The following PSPC1 variants were observed in gnomAD, a reference collection of about 807,000 sequenced individuals.
PSPC1 encodes the protein paraspeckle component 1, also known as paraspeckle protein 1.
Under a neutral mutation model 51.6 loss-of-function variants are expected in PSPC1, and 14 were observed. The observed-to-expected ratio is 0.27, with a 90% confidence interval of 0.18 to 0.42. The LOEUF is 0.42. PSPC1 is among the 10% of genes least tolerant of loss of function. PSPC1 has a pLI of 1.00. For synonymous variants in PSPC1, 193 were observed against 231.9 expected (o/e 0.83, Z 1.53); for missense variants, 406 against 701.1 (o/e 0.58, Z 4.75).
chr13:19,758,958 A>T (rs1416008429), intron 3 of PSPC1, among the ~76,000 whole-genome samples: 1 of 151,876 alleles, frequency 6.6e-6, no homozygotes, highest in Non-Finnish European at 1.5e-5. Context: ...AGACATTTCT[A>T]AAAAAAATTA....
intron 4 of PSPC1, among the ~76,000 whole-genome samples, chr13:19,750,086 C>T (rs1350058408): frequency 1.3e-5 from 2 of 152,026 alleles, no homozygotes; most frequent in Non-Finnish European, 2.9e-5. Flanking sequence ...TGAGAATTTA[C>T]CCAAAAGGAT....
chr13:19,672,077 A>C (rs146846590), downstream of PSPC1: 1 of 574,760 alleles, frequency 1.7e-6, no homozygotes, highest in Non-Finnish European at 3.1e-6. Context: ...CAGTGTCCAG[A>C]CTGCGTATTT....
chr13:19,694,627 G>A (rs1453325087), intron 6 of PSPC1, among the ~76,000 whole-genome samples: 2 of 152,136 alleles, frequency 1.3e-5, no homozygotes, highest in African/African-American at 4.8e-5. Context: ...ATATAATCAA[G>A]TCGTTCCAAG....
In PSPC1 at chr13:19,730,946, G is replaced by GAAAAAAAAAAAAAAAAAAAAA. The variant is rs1168386647; in HGVS notation, c.1053-603_1053-602insTTTTTTTTTTTTTTTTTTTTT. ...TGGGCAACAGTGAGACCCTGTCTCA[G>GAAAAAAAAAAAAAAAAAAAAA]AAAAAAAAAACAAAAAAACAAAAAA... On this transcript the variant is annotated intron_variant, in intron 5 of 8. Coordinates refer to ENST00000338910, the MANE Select transcript of PSPC1 (RefSeq NM_001354909.2). 3.6e-4 allele frequency among the ~76,000 whole-genome samples: 9 copies of GAAAAAAAAAAAAAAAAAAAAA among 25,244 alleles called. 1 individual carries two copies. The highest frequency in any genetic ancestry group is 7.2e-4 in the Non-Finnish European group (7 of 9,742). The allele number at this position is 25,244 out of a possible 152,430, so 16.6% of individuals were successfully genotyped here.
intron 4 of PSPC1, among the ~76,000 whole-genome samples, chr13:19,746,477 C>T (rs778243390): frequency 6.6e-6 from 1 of 151,922 alleles, no homozygotes; most frequent in South Asian, 2.1e-4. Flanking sequence ...GTAATCCTGA[C>T]ACTTTGGGAG....
Position 19,751,422 on chromosome 13 carries a change from T to C in PSPC1, c.816A>G (p.Glu272=). The change falls in exon 4 of 9, where the codon GAA becomes GAG. Residue 272 remains glutamate (E), a synonymous_variant. Transcript: ENST00000338910. ...CCTTCCATCGAGATGCATACTCAAA[T>C]TCAAATGTCCCAGGTTGAGCAAAAC... ...PPRFAQPGTF[E]FEYASRWKAL... 4 of 1,582,438 alleles carry C rather than the reference T, an allele frequency of 2.5e-6. No individual in the cohort carries two copies. Among genetic ancestry groups the C allele is most frequent in the Non-Finnish European group, 3.4e-6 (4 of 1,169,060 alleles).
chr13:19,692,961 A>T (rs560249896), intron 6 of PSPC1, among the ~76,000 whole-genome samples: 1 of 152,284 alleles, frequency 6.6e-6, no homozygotes, highest in East Asian at 1.9e-4. Context: ...TCTTACATTT[A>T]ACATAATTAT....
intron 6 of PSPC1, among the ~76,000 whole-genome samples, chr13:19,714,643 T>C (rs1881872310): frequency 6.6e-6 from 1 of 151,918 alleles, no homozygotes. Context: ...TATAGGCAGA[T>C]ACCATCACGC....
intron 2 of PSPC1, among the ~76,000 whole-genome samples, chr13:19,763,416 T>C (rs544069448): frequency 6.6e-5 from 10 of 152,292 alleles, no homozygotes; most frequent in African/African-American, 2.2e-4. Context: ...AAATCTGAAG[T>C]TACTGCTTGG....
intron 5 of PSPC1, 34 bp from the exon 6 acceptor site, chr13:19,730,378 T>C: frequency 1.3e-6 from 2 of 1,574,484 alleles, no homozygotes; most frequent in Non-Finnish European, 1.7e-6. Context: ...TTCAGCATCA[T>C]AACATGTGGG....
At chr13:19,743,208 T>C in intron 4 of PSPC1, among the ~76,000 whole-genome samples, 1 of 152,220 alleles carries the variant, frequency 6.6e-6, no homozygotes. Context: ...TAATAAAATG[T>C]TAAAATACTC....
At chr13:19,760,494 C>T (rs999492359) in intron 2 of PSPC1, among the ~76,000 whole-genome samples, 3 of 150,932 alleles carry the variant, frequency 2.0e-5, no homozygotes, top group Admixed American at 6.6e-5. Context: ...CACCACTGTA[C>T]TCCAGCCTGG....
intron 6 of PSPC1, chr13:19,677,951 G>A (rs1876854005): frequency 2.6e-5 from 10 of 383,530 alleles, no homozygotes; most frequent in South Asian, 1.9e-4. Context: ...ATGTAGTGCT[G>A]CGTGCTGATT....
At chr13:19,730,393 C>T (rs1883905034) in intron 5 of PSPC1, 49 bp from the exon 6 acceptor site, 5 of 1,500,236 alleles carry the variant, frequency 3.3e-6, no homozygotes, top group Admixed American at 1.7e-5. Flanking sequence ...TGTGGGCTGC[C>T]ATTGGACATT....
At chr13:19,775,182 CA>C (rs936194359) in intron 1 of PSPC1, among the ~76,000 whole-genome samples, 5 of 149,210 alleles carry the variant, frequency 3.4e-5, no homozygotes, top group Non-Finnish European at 7.4e-5. Context: ...ACTAAAAATA[CA>C]AAAAAAAACA....
In PSPC1 at chr13:19,773,249, A is replaced by AT. The variant is rs572248368; in HGVS notation, c.373-707dup. Among the ~76,000 whole-genome samples the AT allele has an allele frequency of 3.3e-3, 446 of 133,936 alleles. 5 individuals carry two copies. Among genetic ancestry groups the AT allele is most frequent in the Middle Eastern group, 7.9e-3 (2 of 252 alleles). The allele number at this position is 133,936 out of a possible 152,430, so 87.9% of individuals were successfully genotyped here. ...TCCATACCCTTTATGTTTTTATCTC[A>AT]TTTTTTTTTTTTTTTTTTGAGACAG... On this transcript the variant is annotated intron_variant, in intron 1 of 8. Coordinates refer to ENST00000338910, the MANE Select transcript of PSPC1 (RefSeq NM_001354909.2).
At position 19,731,588 on chromosome 13, in the gene PSPC1, T is replaced by C. The variant is rs568425132; in HGVS notation, c.1053-1244A>G. Among the ~76,000 whole-genome samples, 94 of 152,270 alleles carry C rather than the reference T, an allele frequency of 6.2e-4. No homozygotes were observed. In the South Asian group the frequency reaches 9.5e-3, roughly 15 times the overall value. On this transcript the variant is annotated intron_variant, in intron 5 of 8. Transcript: ENST00000338910. ...GCCACTATGTCCAGATAATGTTTTGTACTTTTGTAGAGACAGGGTCTTGCC... is the reference window on the plus strand; with the variant it reads ...GCCACTATGTCCAGATAATGTTTTGCACTTTTGTAGAGACAGGGTCTTGCC...
downstream of PSPC1, among the ~76,000 whole-genome samples, chr13:19,701,270 G>C (rs1412156213): frequency 6.6e-6 from 1 of 151,280 alleles, no homozygotes; most frequent in Non-Finnish European, 1.5e-5. Flanking sequence ...TTTCAGCTTT[G>C]AAGTGAAATA....
intron 1 of PSPC1, among the ~76,000 whole-genome samples, chr13:19,779,324 G>T (rs1159319773): frequency 1.8e-5 from 2 of 111,682 alleles, no homozygotes; most frequent in African/African-American, 6.3e-5. Context: ...CATCCGGGAG[G>T]GACGTGGGGG....
Sources: gnomAD v4.1 joint callset for allele counts (sites outside exome capture counted in the v4.1 genomes callset) on GRCh38, gnomAD v4.1.1 for gene constraint, MANE v1.5 for transcripts, NCBI Gene and HGNC (gene_info 2026-07-23, HGNC 2026-07-21) for gene names.